Variants in DTL observed in about 807,000 individuals in gnomAD.
DTL encodes the protein denticleless protein homolog.
In DTL, 46 loss-of-function variants were observed where a neutral mutation model predicts 87.0. That is an observed-to-expected ratio of 0.53 (90% CI 0.42 to 0.68). DTL has a LOEUF of 0.68. Among genes scored for constraint, DTL ranks in the 30% least tolerant of loss-of-function variants. The pLI is 0.00. For synonymous variants in DTL, 308 were observed against 311.2 expected (o/e 0.99, Z 0.11); for missense variants, 737 against 869.4 (o/e 0.85, Z 1.91).
chr1:212,058,433 G>A (rs1056858203), intron 5 of DTL, among the ~76,000 whole-genome samples: 7 of 152,020 alleles, frequency 4.6e-5, no homozygotes, highest in Admixed American at 3.9e-4. Context: ...TGGAAATTAG[G>A]CAGTATGATT....
At chr1:212,080,230 GT>G (rs139731323) in intron 12 of DTL, 5,237 of 154,454 alleles carry the variant, frequency 0.034, 302 homozygotes, top group African/African-American at 0.12. Context: ...TCAGAAGAAA[GT>G]TGTAGAAATT....
intron 5 of DTL, among the ~76,000 whole-genome samples, chr1:212,049,320 G>A (rs893591990): frequency 3.9e-5 from 6 of 152,132 alleles, no homozygotes; most frequent in African/African-American, 1.4e-4. Flanking sequence ...TCTTATTTCT[G>A]CATAACTTTA....
At chr1:212,066,098 C>T (rs1054178898) in intron 7 of DTL, among the ~76,000 whole-genome samples, 1 of 152,090 alleles carries the variant, frequency 6.6e-6, no homozygotes, top group African/African-American at 2.4e-5. Flanking sequence ...AAACAATGCC[C>T]ATAATATATC....
intron 5 of DTL, among the ~76,000 whole-genome samples, chr1:212,056,059 G>A (rs1668165468): frequency 6.6e-6 from 1 of 152,148 alleles, no homozygotes; most frequent in Non-Finnish European, 1.5e-5. Context: ...GGGTTCCAGG[G>A]GATTTTTTCA....
chr1:212,091,024 A>G (rs1168114387), intron 13 of DTL, among the ~76,000 whole-genome samples: 1 of 152,242 alleles, frequency 6.6e-6, no homozygotes, highest in Non-Finnish European at 1.5e-5. Flanking sequence ...AATGTGTTGT[A>G]GAATACCTAT....
chr1:212,065,412 T>TG (rs1654462893), intron 7 of DTL, among the ~76,000 whole-genome samples: 1 of 152,272 alleles, frequency 6.6e-6, no homozygotes, highest in East Asian at 1.9e-4. Context: ...TTACATATTT[T>TG]GGGGGGTACA....
intron 13 of DTL, among the ~76,000 whole-genome samples, chr1:212,093,900 C>T (rs1408582516): frequency 1.3e-5 from 2 of 152,196 alleles, no homozygotes; most frequent in African/African-American, 2.4e-5. Flanking sequence ...CTGCCCAACA[C>T]TTCCCTTCCC....
At chr1:212,074,150 A>T (rs1274428904) in intron 11 of DTL, among the ~76,000 whole-genome samples, 1 of 151,766 alleles carries the variant, frequency 6.6e-6, no homozygotes, top group Non-Finnish European at 1.5e-5. Flanking sequence ...AGTTTTAATT[A>T]TATGTACATA....
At chr1:212,099,112 T>C (rs1333466463) in intron 13 of DTL, among the ~76,000 whole-genome samples, 3 of 152,198 alleles carry the variant, frequency 2.0e-5, no homozygotes, top group Non-Finnish European at 4.4e-5. Flanking sequence ...TGCTTCTACT[T>C]TTATATTTTG....
At chr1:212,058,403 G>A (rs1668243646) in intron 5 of DTL, among the ~76,000 whole-genome samples, 1 of 152,052 alleles carries the variant, frequency 6.6e-6, no homozygotes, top group African/African-American at 2.4e-5. Flanking sequence ...ACAAAAGGAA[G>A]TTTGGAAACT....
chr1:212,072,025 A>G, intron 10 of DTL, 76 bp from the exon 11 acceptor site: 1 of 1,006,588 alleles, frequency 9.9e-7, no homozygotes. Flanking sequence ...ACTTGTTAGA[A>G]TATATATGCT....
intron 1 of DTL, among the ~76,000 whole-genome samples, chr1:212,039,832 T>C (rs1228947914): frequency 6.6e-6 from 1 of 152,130 alleles, no homozygotes; most frequent in Non-Finnish European, 1.5e-5. Context: ...AGATAAAAAA[T>C]GGTAACACCT....
At chr1:212,101,140 C>T in intron 14 of DTL, 56 bp downstream of exon 14, 4 of 1,218,218 alleles carry the variant, frequency 3.3e-6, no homozygotes, top group Non-Finnish European at 4.5e-6. Flanking sequence ...GCCAGACACC[C>T]AGATGTCTCA....
chr1:212,073,846 T>C (rs17656362), intron 11 of DTL, among the ~76,000 whole-genome samples: 46,927 of 151,986 alleles, frequency 0.31, 8,873 homozygotes, highest in Middle Eastern at 0.43. Context: ...AGTTTAACAA[T>C]GTTATGTCGC....
Position 212,100,620 on chromosome 1 carries a change from T to C in DTL, c.1630T>C (p.Cys544Arg). ...VSQKSSQAEA[C>R]SESRNRVKRR... is the part of the protein sequence containing the mutation. ...CCAGAAGTCATCCCAAGCAGAGGCTTGCTCTGAGTCTAGAAATAGAGTAAA... is the reference window on the plus strand; with the variant it reads ...CCAGAAGTCATCCCAAGCAGAGGCTCGCTCTGAGTCTAGAAATAGAGTAAA... Residue 544 changes from cysteine to arginine, a missense_variant, in exon 14 of 15, where the codon TGC becomes CGC. Cys to Arg is a radical substitution (Grantham distance 180). Coordinates refer to ENST00000366991, the MANE Select transcript of DTL (RefSeq NM_016448.4). 6.2e-7 allele frequency: 1 copy of C among 1,614,062 alleles called. No homozygotes were observed. Among genetic ancestry groups the C allele is most frequent in the South Asian group, 1.1e-5 (1 of 91,064 alleles).
intron 5 of DTL, among the ~76,000 whole-genome samples, chr1:212,057,090 TA>T (rs1162595964): frequency 2.0e-5 from 3 of 152,070 alleles, no homozygotes; most frequent in East Asian, 3.9e-4. Flanking sequence ...AACAAAATAA[TA>T]GGTGAAAACT....
At chr1:212,041,528 C>G (rs919910426) in intron 1 of DTL, among the ~76,000 whole-genome samples, 1 of 148,016 alleles carries the variant, frequency 6.8e-6, no homozygotes, top group African/African-American at 2.5e-5. Context: ...GGGGTGGGGA[C>G]GGAGTGTCGC....
At chr1:212,058,231 A>C (rs1668238133) in intron 5 of DTL, among the ~76,000 whole-genome samples, 1 of 152,190 alleles carries the variant, frequency 6.6e-6, no homozygotes, top group Non-Finnish European at 1.5e-5. Flanking sequence ...AGAACATTTC[A>C]TCCAACAGCT....
intron 13 of DTL, among the ~76,000 whole-genome samples, chr1:212,091,434 C>T (rs1655280039): frequency 6.6e-6 from 1 of 152,138 alleles, no homozygotes; most frequent in Non-Finnish European, 1.5e-5. Flanking sequence ...TATGATCCAG[C>T]AATTTCACTT....
Sources: gnomAD v4.1 joint callset for allele counts (sites outside exome capture counted in the v4.1 genomes callset) on GRCh38, gnomAD v4.1.1 for gene constraint, MANE v1.5 for transcripts, NCBI Gene and HGNC (gene_info 2026-07-23, HGNC 2026-07-21) for gene names.